Variants in EBF2 observed in about 807,000 individuals in gnomAD.
The protein encoded by EBF2 is transcription factor COE2.
EBF2 carries 21 observed loss-of-function variants against 72.8 expected under a neutral mutation model. The observed-to-expected ratio is 0.29, with a 90% confidence interval of 0.20 to 0.42. EBF2 has a LOEUF of 0.42. EBF2 is among the 10% of genes least tolerant of loss of function. The probability of loss-of-function intolerance (pLI) is 1.00; values close to 1 mark genes in which losing one functional copy is unlikely to be tolerated. For synonymous variants in EBF2, 299 were observed against 274.2 expected (o/e 1.09, Z -0.89); for missense variants, 637 against 731.2 (o/e 0.87, Z 1.49).
intron 6 of EBF2, among the ~76,000 whole-genome samples, chr8:25,996,347 T>C (rs1394128386): frequency 1.3e-5 from 2 of 150,756 alleles, no homozygotes; most frequent in Non-Finnish European, 2.9e-5. Flanking sequence ...AAAACATTAA[T>C]GAAATTTTTT....
chr8:25,974,242 C>T (rs920777110), intron 6 of EBF2, among the ~76,000 whole-genome samples: 2 of 152,192 alleles, frequency 1.3e-5, no homozygotes, highest in African/African-American at 2.4e-5. Context: ...GACCAGGCTC[C>T]AGGACCCAAG....
chr8:25,963,671 G>T (rs1361140982), intron 6 of EBF2, among the ~76,000 whole-genome samples: 1 of 152,114 alleles, frequency 6.6e-6, no homozygotes. Flanking sequence ...CCAGCTCACT[G>T]GTACTTCATA....
At chr8:25,999,001 G>C (rs907756776) in intron 6 of EBF2, among the ~76,000 whole-genome samples, 1 of 152,172 alleles carries the variant, frequency 6.6e-6, no homozygotes, top group African/African-American at 2.4e-5. Flanking sequence ...GGAAAAGATT[G>C]ACATGTGGCC....
rs1229727603 is a variant in EBF2 at position 26,044,025 on chromosome 8, G to C, written c.131+704C>G. On this transcript the variant is annotated intron_variant, in intron 1 of 15. Coordinates refer to ENST00000520164, the MANE Select transcript of EBF2 (RefSeq NM_022659.4). The surrounding 1 kb of genome is among the most constrained non-coding windows in gnomAD (Gnocchi z 4.1). ...GTCTAGCTGCTGGTGGCCTTTTCTC[G>C]CCTCTTTCTTCTTCCGCAACTCTTT... Among the ~76,000 whole-genome samples the C allele has an allele frequency of 2.6e-5, 4 of 152,324 alleles. No individual in the cohort carries two copies. In the East Asian group the frequency reaches 7.7e-4, roughly 29 times the overall value.
intron 6 of EBF2, among the ~76,000 whole-genome samples, chr8:26,029,468 A>C (rs1183640600): frequency 1.3e-5 from 2 of 152,208 alleles, no homozygotes; most frequent in Non-Finnish European, 2.9e-5. Context: ...TTTGGAAGGC[A>C]AAGTCCTGCA....
chr8:25,879,849 CTGAG>C (rs1465442251), intron 10 of EBF2, among the ~76,000 whole-genome samples: 1 of 152,132 alleles, frequency 6.6e-6, no homozygotes, highest in Non-Finnish European at 1.5e-5. Context: ...TCTTGCCAAC[CTGAG>C]TATTTTCATT....
At position 25,872,205 on chromosome 8, in the gene EBF2, C is replaced by G. The variant is rs78500508; in HGVS notation, c.1010-9408G>C. 6.4e-3 allele frequency among the ~76,000 whole-genome samples: 973 copies of G among 152,250 alleles called. 13 individuals are homozygous for G. Among genetic ancestry groups the G allele is most frequent in the African/African-American group, 0.022 (932 of 41,552 alleles). On this transcript the variant is annotated intron_variant, in intron 10 of 15. Transcript: ENST00000520164. ...ACAATTACAGCCTTGACACTGCAGGCTGGAGGTCATTTATGCTCTTGACCA... is the reference window on the plus strand; with the variant it reads ...ACAATTACAGCCTTGACACTGCAGGGTGGAGGTCATTTATGCTCTTGACCA...
intron 6 of EBF2, among the ~76,000 whole-genome samples, chr8:26,024,545 T>C (rs903157509): frequency 6.6e-6 from 1 of 152,192 alleles, no homozygotes; most frequent in Non-Finnish European, 1.5e-5. Context: ...GCCTGTTCTG[T>C]ACCTATCTGC....
chr8:25,959,911 T>G (rs1345050614), intron 6 of EBF2, among the ~76,000 whole-genome samples: 1 of 152,182 alleles, frequency 6.6e-6, no homozygotes, highest in Non-Finnish European at 1.5e-5. Context: ...TATGGTCCCA[T>G]TCTATGGATG....
At chr8:25,883,930 G>T (rs1041927025) in intron 10 of EBF2, among the ~76,000 whole-genome samples, 6 of 152,036 alleles carry the variant, frequency 3.9e-5, no homozygotes, top group African/African-American at 1.5e-4. Context: ...TCCTTCTCAG[G>T]ATCCTTCCCA....
chr8:25,861,283 T>C (rs780839848), intron 12 of EBF2, 26 bp downstream of exon 12: 9 of 1,614,078 alleles, frequency 5.6e-6, no homozygotes, highest in South Asian at 3.3e-5. Context: ...CAAAACTCAA[T>C]AAAGGATAGG....
chr8:25,909,598 A>G (rs1803092986), intron 6 of EBF2, among the ~76,000 whole-genome samples: 1 of 152,250 alleles, frequency 6.6e-6, no homozygotes, highest in Non-Finnish European at 1.5e-5. Context: ...AACAAAAATA[A>G]GTAGAAATCA....
Position 25,842,658 on chromosome 8 carries a change from A to G in EBF2, c.*1951T>C, listed in dbSNP as rs1414502467. 6.6e-6 allele frequency: 1 copy of G among 152,160 alleles called. No homozygotes were observed. Among genetic ancestry groups the G allele is most frequent in the Non-Finnish European group, 1.5e-5 (1 of 68,034 alleles). 9.4% of individuals were successfully genotyped at this position (152,160 alleles called of 1,614,324 possible). On this transcript the variant is annotated 3_prime_UTR_variant, in exon 16 of 16. Transcript: ENST00000520164. Reference sequence around the variant, plus strand: ...GCCCTGACTATGAGGGACTGTCAGCAGTAGTTATAAGCATGCCAGGTTTCT... The same window carrying G: ...GCCCTGACTATGAGGGACTGTCAGCGGTAGTTATAAGCATGCCAGGTTTCT...
intron 6 of EBF2, among the ~76,000 whole-genome samples, chr8:25,918,678 G>A (rs559591140): frequency 5.3e-5 from 8 of 152,072 alleles, no homozygotes; most frequent in South Asian, 2.1e-4. Context: ...GTTTGATGTC[G>A]CATACAAACT....
chr8:25,861,902 G>A (rs552931176), intron 11 of EBF2, among the ~76,000 whole-genome samples: 4 of 152,080 alleles, frequency 2.6e-5, no homozygotes, highest in Admixed American at 2.0e-4. Flanking sequence ...TAGTAATCAC[G>A]AATCCCTTTC....
intron 13 of EBF2, among the ~76,000 whole-genome samples, chr8:25,859,721 C>CTTTTTTTTT (rs202200790): frequency 0.012 from 1,763 of 142,748 alleles, 71 homozygotes; most frequent in Admixed American, 0.075. Context: ...CCTGTCTAGT[C>CTTTTTTTTT]TTTTTTTTTT....
intron 7 of EBF2, among the ~76,000 whole-genome samples, chr8:25,893,840 C>T (rs1199809793): frequency 3.3e-5 from 5 of 152,204 alleles, no homozygotes; most frequent in African/African-American, 1.2e-4. Flanking sequence ...ATGACATACC[C>T]TGATGGTTCA....
rs181017332 is a variant in EBF2, at chr8:25,848,415, A to T, written c.1696+2179T>A. Among the ~76,000 whole-genome samples, 115 of 152,278 alleles carry T rather than the reference A, an allele frequency of 7.6e-4. No homozygotes were observed. In the East Asian group the frequency reaches 0.02, roughly 27 times the overall value. On this transcript the variant is annotated intron_variant, in intron 15 of 15. Coordinates refer to ENST00000520164, the MANE Select transcript of EBF2 (RefSeq NM_022659.4). ...GGAGAGGGTCTTCTGTTTCTGCTGC[A>T]GCTGCCCTCACAGGGAACCTTACTA...
At chr8:25,852,411 G>A (rs1802000828) in intron 14 of EBF2, among the ~76,000 whole-genome samples, 1 of 152,136 alleles carries the variant, frequency 6.6e-6, no homozygotes, top group Admixed American at 6.5e-5. Flanking sequence ...ATTCTACCAT[G>A]GTCCCCCAAA....
Sources: gnomAD v4.1 joint callset for allele counts (sites outside exome capture counted in the v4.1 genomes callset) on GRCh38, gnomAD v4.1.1 for gene constraint, Gnocchi (gnomAD v3.1) non-coding constraint, MANE v1.5 for transcripts, NCBI Gene and HGNC (gene_info 2026-07-23, HGNC 2026-07-21) for gene names.